Variants in POT1 observed in about 807,000 individuals in gnomAD.
POT1 encodes the protein protection of telomeres 1, also known as protection of telomeres protein 1.
In POT1, 47 loss-of-function variants were observed where a neutral mutation model predicts 78.5. The ratio of observed to expected loss-of-function variants is 0.60; its 90% CI spans 0.47 to 0.76. POT1 has a LOEUF of 0.76. Among genes scored for constraint, POT1 ranks in the 30% least tolerant of loss-of-function variants. The pLI is 0.00. For missense variants in POT1, 646 were observed against 749.9 expected (o/e 0.86, Z 1.62); for synonymous variants, 259 against 260.7 (o/e 0.99, Z 0.06).
intron 12 of POT1, among the ~76,000 whole-genome samples, chr7:124,844,563 C>A (rs199896221): frequency 2.0e-5 from 3 of 150,268 alleles, no homozygotes; most frequent in Admixed American, 1.3e-4. Flanking sequence ...GGTGAAACCC[C>A]GTCTCTACTA....
intron 2 of POT1, among the ~76,000 whole-genome samples, chr7:124,920,094 C>G (rs1044918245): frequency 6.6e-6 from 1 of 151,004 alleles, no homozygotes; most frequent in Non-Finnish European, 1.5e-5. Context: ...AACATTTGAC[C>G]TTTACTCAAA....
chr7:124,896,316 C>T (rs907891352), intron 5 of POT1, among the ~76,000 whole-genome samples: 3 of 151,628 alleles, frequency 2.0e-5, no homozygotes, highest in Non-Finnish European at 3.0e-5. Flanking sequence ...GCCTTATTTA[C>T]AGGTTCGCAG....
intron 6 of POT1, among the ~76,000 whole-genome samples, chr7:124,881,406 ATATT>A (rs1796115808): frequency 6.6e-6 from 1 of 152,048 alleles, no homozygotes; most frequent in Non-Finnish European, 1.5e-5. Context: ...AAATAAGTAC[ATATT>A]TATTAAAAGA....
At chr7:124,923,458 A>C (rs1184272651) in intron 2 of POT1, among the ~76,000 whole-genome samples, 1 of 151,832 alleles carries the variant, frequency 6.6e-6, no homozygotes, top group Non-Finnish European at 1.5e-5. Flanking sequence ...CGAAATTTTG[A>C]AATAATGCGG....
At chr7:124,899,295 G>A (rs1338713258) in intron 3 of POT1, among the ~76,000 whole-genome samples, 1 of 152,052 alleles carries the variant, frequency 6.6e-6, no homozygotes, top group African/African-American at 2.4e-5. Context: ...TGAATCAAAC[G>A]AAAGACCTTA....
At chr7:124,863,073 C>T (rs2116540146) in intron 8 of POT1, among the ~76,000 whole-genome samples, 1 of 152,170 alleles carries the variant, frequency 6.6e-6, no homozygotes, top group Middle Eastern at 3.4e-3. Flanking sequence ...AACAAGTCTA[C>T]ATCTTATTAC....
At position 124,870,968 on chromosome 7, in the gene POT1, A is replaced by G. The variant is rs770178036; in HGVS notation, c.198T>C (p.Tyr66=). 1.9e-6 allele frequency: 3 copies of G among 1,610,920 alleles called. No individual in the cohort carries two copies. The South Asian group carries it at 3.3e-5, about 18-fold the overall frequency. Residue 66 remains tyrosine, a synonymous_variant, in exon 7 of 19, where the codon TAT becomes TAC. Coordinates refer to ENST00000357628, the MANE Select transcript of POT1 (RefSeq NM_015450.3). Reference sequence around the variant, plus strand: ...TTTTATAAATTATTGGAAGGGCTTCATAGTTTCCACTAAAGAGCAGGCAAG... The same window carrying G: ...TTTTATAAATTATTGGAAGGGCTTCGTAGTTTCCACTAAAGAGCAGGCAAG... The part of the protein sequence containing the change: ...KLTCLLFSGN[Y]EALPIIYKNG...
chr7:124,838,944 A>G (rs1794961206), intron 14 of POT1, among the ~76,000 whole-genome samples: 1 of 152,154 alleles, frequency 6.6e-6, no homozygotes, highest in African/African-American at 2.4e-5. Context: ...ATTTTTGGAT[A>G]TTGACAAACT....
At chr7:124,855,009 C>G (rs1259428226) in intron 9 of POT1, among the ~76,000 whole-genome samples, 1 of 151,370 alleles carries the variant, frequency 6.6e-6, no homozygotes, top group Admixed American at 6.6e-5. Flanking sequence ...CCAAATTAAA[C>G]TTTAAATTTT....
chr7:124,919,102 C>A (rs1047001406), intron 2 of POT1, among the ~76,000 whole-genome samples: 3 of 152,078 alleles, frequency 2.0e-5, no homozygotes, highest in Non-Finnish European at 2.9e-5. Context: ...CGAGGCTATA[C>A]AATATAGCTT....
At position 124,891,512 on chromosome 7, in the gene POT1, TAA is replaced by T. The variant is rs1188734084; in HGVS notation, c.124+752_124+753del. Among the ~76,000 whole-genome samples, 3 of 151,532 alleles carry T rather than the reference TAA, an allele frequency of 2.0e-5. No homozygotes were observed. In the Admixed American group the frequency reaches 2.0e-4, roughly 10 times the overall value. On this transcript the variant is annotated intron_variant, in intron 6 of 18. Transcript: ENST00000357628. ...ATTAGGTAATTTAATTCATTTATAA[TAA>T]TAGTAGTTATTCATTAGGAAGGTCT... is the stretch of plus-strand genomic sequence containing the variant.
chr7:124,872,852 C>A (rs115281768), intron 6 of POT1, among the ~76,000 whole-genome samples: 1 of 152,148 alleles, frequency 6.6e-6, no homozygotes, highest in African/African-American at 2.4e-5. Flanking sequence ...TTCTTCACAC[C>A]CTCTCGATAC....
intron 2 of POT1, among the ~76,000 whole-genome samples, chr7:124,921,738 A>G (rs925795359): frequency 2.0e-5 from 3 of 152,138 alleles, no homozygotes; most frequent in Non-Finnish European, 4.4e-5. Flanking sequence ...CACACAAATA[A>G]AACACAATAA....
intron 5 of POT1, among the ~76,000 whole-genome samples, chr7:124,893,588 T>C (rs1020720569): frequency 2.0e-5 from 3 of 151,478 alleles, no homozygotes; most frequent in African/African-American, 7.3e-5. Flanking sequence ...CTGAAATCAG[T>C]TGAAACCAAG....
chr7:124,824,202 C>T (rs902491402), intron 18 of POT1, 128 bp from the exon 19 acceptor site: 23 of 575,982 alleles, frequency 4.0e-5, no homozygotes, highest in African/African-American at 1.9e-4. Context: ...AGTAAGTAAA[C>T]GTCCCTTCCA....
chr7:124,908,790 A>G (rs1023021456), intron 3 of POT1, among the ~76,000 whole-genome samples: 2 of 151,950 alleles, frequency 1.3e-5, no homozygotes, highest in African/African-American at 4.8e-5. Context: ...TAAATAAATA[A>G]TCAAAGATAT....
intron 6 of POT1, among the ~76,000 whole-genome samples, chr7:124,888,637 G>A (rs934994075): frequency 4.0e-5 from 6 of 151,890 alleles, no homozygotes; most frequent in Non-Finnish European, 8.8e-5. Context: ...TAAATTAAAG[G>A]TTGTGGCAAC....
rs374603515 is a variant in POT1, at chr7:124,909,092, G to A, written c.-154+6482C>T. On this transcript the variant is annotated intron_variant, in intron 3 of 18. Transcript: ENST00000357628. ...AGAACTAACTCTAACAGGGATACAG[G>A]GAGAAAAAAGGTATTAATAAGTGTC... Among the ~76,000 whole-genome samples the A allele has an allele frequency of 1.2e-3, 182 of 151,742 alleles. 3 individuals are homozygous for A. The South Asian group carries it at 0.031, about 25-fold the overall frequency.
chr7:124,843,243 C>G (rs1159736040), intron 12 of POT1: 2 of 227,406 alleles, frequency 8.8e-6, no homozygotes, highest in Non-Finnish European at 1.7e-5. Flanking sequence ...TTCAAAAAAG[C>G]AAGGTTTATT....
Sources: gnomAD v4.1 joint callset for allele counts (sites outside exome capture counted in the v4.1 genomes callset) on GRCh38, gnomAD v4.1.1 for gene constraint, MANE v1.5 for transcripts, NCBI Gene and HGNC (gene_info 2026-07-23, HGNC 2026-07-21) for gene names.